ZNF326: variants seen among roughly 807,000 people sequenced by gnomAD.
The protein encoded by ZNF326 is DBIRD complex subunit ZNF326.
In ZNF326, 30 loss-of-function variants were observed where a neutral mutation model predicts 63.1. That is an observed-to-expected ratio of 0.48 (90% CI 0.36 to 0.64). The LOEUF (loss-of-function observed/expected upper bound fraction) is 0.64. Ranked by LOEUF, ZNF326 falls within the 30% of genes least tolerant of loss-of-function variation. The probability of loss-of-function intolerance (pLI) is 0.00; values close to 1 mark genes in which losing one functional copy is unlikely to be tolerated. For synonymous variants in ZNF326, 194 were observed against 228.2 expected, an observed-to-expected ratio of 0.85 and a Z score of 1.35; for missense variants, 609 against 720.3, an observed-to-expected ratio of 0.85 and a Z score of 1.77.
chr1:90,016,746 AAAG>A (rs1434305105), intron 7 of ZNF326, among the ~76,000 whole-genome samples: 1 of 152,048 alleles, frequency 6.6e-6, no homozygotes, highest in Non-Finnish European at 1.5e-5. Flanking sequence ...AAAAAGAAAA[AAAG>A]AAGCAATTAG....
chr1:89,997,461 C>T (rs1648437781), intron 1 of ZNF326, among the ~76,000 whole-genome samples: 1 of 151,998 alleles, frequency 6.6e-6, no homozygotes, highest in Non-Finnish European at 1.5e-5. Context: ...GCAGCCTCTG[C>T]CTCCTGGATT....
chr1:89,995,194 G>T lies in ZNF326; in HGVS notation c.-64G>T, dbSNP rs1648279754. On this transcript the variant is annotated 5_prime_UTR_variant, in exon 1 of 12. Coordinates refer to ENST00000340281, the MANE Select transcript of ZNF326 (RefSeq NM_182976.4). ...TGATCGTGTGGAATCGCGGGTCGCG[G>T]ACGCTCGCCGCCGGCCATAGCTCAG... is the stretch of plus-strand genomic sequence containing the variant. 1 of 1,519,238 alleles carries T rather than the reference G, an allele frequency of 6.6e-7. No homozygotes were observed. Among genetic ancestry groups the T allele is most frequent in the Non-Finnish European group, 8.8e-7 (1 of 1,136,226 alleles). 94.1% of individuals were successfully genotyped at this position (1,519,238 alleles called of 1,614,324 possible). A position where few individuals can be genotyped will look rare whatever the true frequency, so the allele number is the denominator to read the frequency against.
intron 9 of ZNF326, among the ~76,000 whole-genome samples, chr1:90,019,272 C>T (rs1461105685): frequency 1.3e-5 from 2 of 152,120 alleles, no homozygotes; most frequent in African/African-American, 2.4e-5. Flanking sequence ...AATAACCTGT[C>T]TTCTTTTTCT....
In ZNF326 at chr1:89,995,225, C is replaced by T. The variant is rs997744439; in HGVS notation, c.-33C>T. 1 of 1,542,054 alleles carries T rather than the reference C, an allele frequency of 6.5e-7. No individual in the cohort carries two copies. Among genetic ancestry groups the T allele is most frequent in the Non-Finnish European group, 8.7e-7 (1 of 1,146,752 alleles). On this transcript the variant is annotated 5_prime_UTR_variant, in exon 1 of 12. Transcript: ENST00000340281. Reference sequence around the variant, plus strand: ...CGCCGCCGGCCATAGCTCAGCCTAGCGCCGCCAAGGCCGACGGCCCTCAGC... The same window carrying T: ...CGCCGCCGGCCATAGCTCAGCCTAGTGCCGCCAAGGCCGACGGCCCTCAGC...
chr1:90,019,752 C>T lies in ZNF326; in HGVS notation c.1174+968C>T, dbSNP rs375726706. On this transcript the variant is annotated intron_variant, in intron 9 of 11. Coordinates refer to ENST00000340281, the MANE Select transcript of ZNF326 (RefSeq NM_182976.4). Reference sequence around the variant, plus strand: ...ATCTTTCTTCTGAACTCTAGTCTTACACATCTAACTGCCTACTGACATCTC... The same window carrying T: ...ATCTTTCTTCTGAACTCTAGTCTTATACATCTAACTGCCTACTGACATCTC... Among the ~76,000 whole-genome samples, 3 of 152,064 alleles carry T rather than the reference C, an allele frequency of 2.0e-5. No homozygotes were observed. In the East Asian group the frequency reaches 5.8e-4, roughly 29 times the overall value.
At chr1:90,022,420 T>C in intron 11 of ZNF326, 75 bp downstream of exon 11, 1 of 1,036,606 alleles carries the variant, frequency 9.6e-7, no homozygotes, top group African/African-American at 1.6e-5. Context: ...TAGTAACCTT[T>C]TGTGATACTT....
intron 2 of ZNF326, among the ~76,000 whole-genome samples, chr1:90,003,780 A>C (rs966568782): frequency 2.0e-5 from 3 of 152,232 alleles, no homozygotes; most frequent in Admixed American, 2.0e-4. Context: ...TCAGTTCCCC[A>C]GATCTATAAA....
At chr1:90,006,129 T>C (rs1648973286) in intron 4 of ZNF326, 1 of 985,460 alleles carries the variant, frequency 1.0e-6, no homozygotes, top group South Asian at 4.7e-5. Flanking sequence ...TTCTTTCTGC[T>C]TCCAGTGTAC....
intron 1 of ZNF326, 140 bp downstream of exon 1, chr1:89,995,413 G>A (rs2101041784): frequency 8.4e-7 from 1 of 1,187,504 alleles, no homozygotes; most frequent in African/African-American, 1.6e-5. Context: ...CGGGCCCAGC[G>A]CCCGGAGTCG....
chr1:90,023,642 GA>G (rs1357825946), intron 11 of ZNF326, among the ~76,000 whole-genome samples: 4 of 152,176 alleles, frequency 2.6e-5, no homozygotes, highest in Non-Finnish European at 4.4e-5. Context: ...GCTAAAGAAG[GA>G]AAAATTAGAT....
Position 89,995,129 on chromosome 1 carries a change from G to C in ZNF326, c.-129G>C. 8.4e-7 allele frequency: 1 copy of C among 1,187,500 alleles called. No homozygotes were observed. Among genetic ancestry groups the C allele is most frequent in the Non-Finnish European group, 1.2e-6 (1 of 856,756 alleles). The allele number at this position is 1,187,500 out of a possible 1,614,324, so 73.6% of individuals were successfully genotyped here. A position where few individuals can be genotyped will look rare whatever the true frequency, so the allele number is the denominator to read the frequency against. On this transcript the variant is annotated 5_prime_UTR_variant, in exon 1 of 12. Transcript: ENST00000340281. ...CTCCCCAGCCTCGCTGTGGCCTGCGGCTCCCGGGCTGGTAGCGCGCCGCTC... is the reference window on the plus strand; with the variant it reads ...CTCCCCAGCCTCGCTGTGGCCTGCGCCTCCCGGGCTGGTAGCGCGCCGCTC...
rs1649031694 is a variant in ZNF326, at chr1:90,007,225, C to T, written c.210-120C>T. The T allele has an allele frequency of 2.9e-6, 3 of 1,050,264 alleles. No individual in the cohort carries two copies. The South Asian group carries it at 4.9e-5, about 17-fold the overall frequency. The allele number at this position is 1,050,264 out of a possible 1,614,324, so 65.1% of individuals were successfully genotyped here. On this transcript the variant is annotated intron_variant, in intron 4 of 11. Coordinates refer to ENST00000340281, the MANE Select transcript of ZNF326 (RefSeq NM_182976.4). This position sits in a 1 kb window ranked among gnomAD's most constrained non-coding sequence, Gnocchi z 4.9. ...AAATGTGAACAAAAGTAGAACTGTG[C>T]AAACCAGTATGGTATAAATGAATTT...
At chr1:90,009,129 C>T (rs1649121844) in intron 5 of ZNF326, among the ~76,000 whole-genome samples, 1 of 152,076 alleles carries the variant, frequency 6.6e-6, no homozygotes, top group African/African-American at 2.4e-5. Flanking sequence ...AAGTAAATTT[C>T]GTTTTCATAA....
rs567144989 is a variant in ZNF326 at position 90,031,247 on chromosome 1, G to C, written c.*3546G>C. ...TACAACTATATTGGTAAGTTAGTAG[G>C]AGTAGTAATTTTCCCATATAATAAG... is the stretch of plus-strand genomic sequence containing the variant. On this transcript the variant is annotated 3_prime_UTR_variant, in exon 12 of 12. Coordinates refer to ENST00000340281, the MANE Select transcript of ZNF326 (RefSeq NM_182976.4). 1 of 152,278 alleles carries C rather than the reference G, an allele frequency of 6.6e-6. No individual in the cohort carries two copies. Among genetic ancestry groups the C allele is most frequent in the Non-Finnish European group, 1.5e-5 (1 of 68,030 alleles). 9.4% of individuals were successfully genotyped at this position (152,278 alleles called of 1,614,324 possible).
In ZNF326 at chr1:90,027,364, C is replaced by CT; in HGVS notation, c.1416dup (p.Glu473Ter). 6.2e-7 allele frequency: 1 copy of CT among 1,612,978 alleles called. No homozygotes were observed. The highest frequency in any genetic ancestry group is 8.5e-7 in the Non-Finnish European group (1 of 1,179,610). ...TTCTTATGTTTTTAGGGTGAGAATC[C>CT]TTTTGAAATTCAAGACCATTCTCAG... is the stretch of plus-strand genomic sequence containing the variant. On this transcript the variant is annotated frameshift_variant, in exon 12 of 12. Coordinates refer to ENST00000340281, the MANE Select transcript of ZNF326 (RefSeq NM_182976.4). LOFTEE classifies it low-confidence loss of function (END_TRUNC).
At chr1:90,012,965 A>G (rs1320812230) in intron 6 of ZNF326, among the ~76,000 whole-genome samples, 161 bp from the exon 7 acceptor site, 1 of 152,234 alleles carries the variant, frequency 6.6e-6, no homozygotes, top group African/African-American at 2.4e-5. Flanking sequence ...GTGAAGTTTC[A>G]GAAATACTGG....
At chr1:89,998,497 A>G (rs537493371) in intron 2 of ZNF326, among the ~76,000 whole-genome samples, 1 of 152,288 alleles carries the variant, frequency 6.6e-6, no homozygotes, top group African/African-American at 2.4e-5. Flanking sequence ...ATGTAGACTA[A>G]GTGGATTATT....
chr1:90,005,697 C>T, intron 4 of ZNF326: 1 of 985,146 alleles, frequency 1.0e-6, no homozygotes, highest in Non-Finnish European at 1.2e-6. Context: ...CTAACATTTA[C>T]TTTCCAAGAA....
At position 90,027,652 on chromosome 1, in the gene ZNF326, C is replaced by T. The variant is rs750883715; in HGVS notation, c.1700C>T (p.Ala567Val). The change falls in exon 12 of 12, where the codon GCA becomes GTA. Residue 567 changes from alanine to valine, a missense_variant. Transcript: ENST00000340281. ...GTAGAGGAATTAGAGGAAGAGACAG[C>T]AAAGGAAGAACCTGCTGACTTCCCT... Reference protein sequence around the residue: ...EEVEELEEETAKEEPADFPVE... With the variant: ...EEVEELEEETVKEEPADFPVE... The T allele has an allele frequency of 3.1e-6, 5 of 1,613,670 alleles. No homozygotes were observed. The East Asian group carries it at 1.1e-4, about 36-fold the overall frequency.
Sources: allele counts gnomAD v4.1 joint callset (sites outside exome capture counted in the v4.1 genomes callset), GRCh38; gene constraint gnomAD v4.1.1; non-coding constraint Gnocchi (gnomAD v3.1); transcripts MANE v1.5; gene names NCBI Gene and HGNC (gene_info 2026-07-23, HGNC 2026-07-21).